BLTP3B: variants seen among roughly 807,000 people sequenced by gnomAD.
BLTP3B encodes the protein UHRF1 (ICBP90) binding protein 1-like.
the BLTP3B span, among the ~76,000 whole-genome samples, chr12:100,075,301 C>T: frequency 2.0e-4 from 31 of 152,094 alleles, no homozygotes; most frequent in East Asian, 1.9e-4. Context: ...TGAGCCACCA[C>T]GCCCGGCTAC....
the BLTP3B span, among the ~76,000 whole-genome samples, chr12:100,112,615 T>C: frequency 0.055 from 8,335 of 152,194 alleles, 739 homozygotes; most frequent in African/African-American, 0.19. Flanking sequence ...TACACCATTA[T>C]TAGGGTCTAA....
chr12:100,058,491 G>T, the BLTP3B span: 1 of 1,613,248 alleles, frequency 6.2e-7, no homozygotes, highest in Non-Finnish European at 8.5e-7. Context: ...TCTGTTGTCT[G>T]ACATATGATT....
chr12:100,104,337 G>A, the BLTP3B span, among the ~76,000 whole-genome samples: 4 of 150,826 alleles, frequency 2.7e-5, no homozygotes, highest in African/African-American at 9.7e-5. Flanking sequence ...CCCAGTAGCT[G>A]AGATTACAAT....
chr12:100,073,837 C>T, the BLTP3B span, among the ~76,000 whole-genome samples: 1 of 151,892 alleles, frequency 6.6e-6, no homozygotes, highest in African/African-American at 2.4e-5. Context: ...CAATAAAAAC[C>T]CTCAACAAAC....
the BLTP3B span, among the ~76,000 whole-genome samples, chr12:100,139,093 A>T: frequency 2.0e-5 from 3 of 151,928 alleles, no homozygotes; most frequent in Admixed American, 1.3e-4. Context: ...AAATGTCACT[A>T]CTCTAAGCTC....
chr12:100,059,788 G>T, the BLTP3B span: 2 of 1,473,634 alleles, frequency 1.4e-6, no homozygotes, highest in South Asian at 1.2e-5. Context: ...ATACATATAC[G>T]CACAAATCAT....
At chr12:100,116,448 C>CAAAAA in the BLTP3B span, among the ~76,000 whole-genome samples, 35 of 55,194 alleles carry the variant, frequency 6.3e-4, no homozygotes, top group Non-Finnish European at 8.3e-4. Context: ...GATCCTGTCT[C>CAAAAA]AAAAAAAAAA....
At chr12:100,092,925 TC>T in the BLTP3B span, 16 of 985,374 alleles carry the variant, frequency 1.6e-5, no homozygotes, top group Non-Finnish European at 1.9e-5. Flanking sequence ...TAAATCTACT[TC>T]CTTCTGCCTT....
At chr12:100,053,341 G>C in the BLTP3B span, among the ~76,000 whole-genome samples, 10 of 152,132 alleles carry the variant, frequency 6.6e-5, no homozygotes, top group Non-Finnish European at 1.3e-4. Flanking sequence ...CCAGGAGGCG[G>C]AGGTTGCAGT....
the BLTP3B span, among the ~76,000 whole-genome samples, chr12:100,076,468 A>C: frequency 3.5e-5 from 5 of 143,726 alleles, no homozygotes; most frequent in South Asian, 2.1e-4. Context: ...ATCTCGGCCC[A>C]CAACAACCTC....
At chr12:100,086,374 G>GT in the BLTP3B span, 1 of 608,496 alleles carries the variant, frequency 1.6e-6, no homozygotes, top group Non-Finnish European at 2.7e-6. Context: ...AAAAAAAAAG[G>GT]GGGGGGGGGA....
the BLTP3B span, among the ~76,000 whole-genome samples, chr12:100,105,529 C>A: frequency 2.0e-5 from 3 of 152,092 alleles, no homozygotes; most frequent in South Asian, 2.1e-4. Context: ...TTACTGTATA[C>A]AAAAATTAAC....
At chr12:100,076,000 G>T in the BLTP3B span, among the ~76,000 whole-genome samples, 1 of 151,848 alleles carries the variant, frequency 6.6e-6, no homozygotes, top group Non-Finnish European at 1.5e-5. Context: ...CTACCTGTTG[G>T]GTACTATGCT....
chr12:100,042,458 G>A, the BLTP3B span, among the ~76,000 whole-genome samples: 2 of 152,156 alleles, frequency 1.3e-5, no homozygotes, highest in Non-Finnish European at 2.9e-5. Context: ...ATAGAATTGA[G>A]AATCCAGAAA....
chr12:100,059,387 A>G, the BLTP3B span: 7 of 1,613,918 alleles, frequency 4.3e-6, no homozygotes, highest in African/African-American at 8.0e-5. Context: ...CACAATCTTT[A>G]AAGTCTTGAA....
At chr12:100,142,567 C>T in the BLTP3B span, 1 of 1,604,776 alleles carries the variant, frequency 6.2e-7, no homozygotes, top group South Asian at 1.1e-5. Flanking sequence ...GGCCGACTGG[C>T]GCCGACACCG....
the BLTP3B span, among the ~76,000 whole-genome samples, chr12:100,062,452 T>C: frequency 6.6e-6 from 1 of 152,250 alleles, no homozygotes; most frequent in Non-Finnish European, 1.5e-5. Context: ...TGCAACATAC[T>C]ATATTCTCTA....
the BLTP3B span, among the ~76,000 whole-genome samples, chr12:100,043,466 C>A: frequency 2.0e-5 from 3 of 152,202 alleles, no homozygotes; most frequent in Admixed American, 6.5e-5. Context: ...TCTACTCAAT[C>A]AGCTAGAGAG....
At chr12:100,111,967 C>A in the BLTP3B span, among the ~76,000 whole-genome samples, 11 of 151,742 alleles carry the variant, frequency 7.2e-5, no homozygotes, top group Non-Finnish European at 1.5e-4. Context: ...ATATCGAATC[C>A]CTGGGGTCAA....
Sources: gnomAD v4.1 joint callset for allele counts (sites outside exome capture counted in the v4.1 genomes callset) on GRCh38, gnomAD v4.1.1 for gene constraint, MANE v1.5 for transcripts, NCBI Gene and HGNC (gene_info 2026-07-23, HGNC 2026-07-21) for gene names.